The following CCDC171 variants were observed in gnomAD, a reference collection of about 807,000 sequenced individuals.
The protein encoded by CCDC171 is coiled-coil domain-containing protein 171.
CCDC171 carries 177 observed loss-of-function variants against 168.2 expected under a neutral mutation model. The observed-to-expected ratio is 1.05, with a 90% CI of 0.93 to 1.19. The LOEUF is 1.19. Ranked by LOEUF, CCDC171 falls within the 50% of genes most tolerant of loss-of-function variation. The pLI is 0.00. For missense variants in CCDC171, 1,991 were observed against 1,539.0 expected (o/e 1.29, Z -4.91); for synonymous variants, 687 against 540.8 (o/e 1.27, Z -3.75).
chr9:15,946,229 C>T (rs991278865), intron 25 of CCDC171, among the ~76,000 whole-genome samples: 3 of 151,892 alleles, frequency 2.0e-5, no homozygotes, highest in Non-Finnish European at 2.9e-5. Context: ...TGTTCTGTTC[C>T]ATTGATCTAT....
At chr9:15,993,365 T>C (rs1258796762) in intron 3 of CCDC171, among the ~76,000 whole-genome samples, 1 of 152,118 alleles carries the variant, frequency 6.6e-6, no homozygotes, top group African/African-American at 2.4e-5. Flanking sequence ...TATTAATAAA[T>C]GGTGCTGGGA....
chr9:15,671,931 G>C (rs2049145602), intron 9 of CCDC171, among the ~76,000 whole-genome samples: 1 of 152,178 alleles, frequency 6.6e-6, no homozygotes, highest in African/African-American at 2.4e-5. Flanking sequence ...TTGCCACACT[G>C]TCTTCCACAA....
chr9:16,016,674 G>A (rs1431520590), intron 3 of CCDC171, among the ~76,000 whole-genome samples: 1 of 152,118 alleles, frequency 6.6e-6, no homozygotes, highest in African/African-American at 2.4e-5. Context: ...GGTGTCTGTT[G>A]GATTTCCCTA....
the CCDC171 span, among the ~76,000 whole-genome samples, chr9:16,108,774 A>G: frequency 6.6e-6 from 1 of 152,230 alleles, no homozygotes; most frequent in East Asian, 1.9e-4. Flanking sequence ...TTACAATTAA[A>G]AAGTAAGAAT....
chr9:15,636,861 A>G (rs1002916393), intron 7 of CCDC171, among the ~76,000 whole-genome samples: 2 of 152,154 alleles, frequency 1.3e-5, no homozygotes, highest in Non-Finnish European at 2.9e-5. Context: ...TATCATCACT[A>G]AAAACATTTT....
At chr9:15,857,741 A>G (rs1456129864) in intron 23 of CCDC171, among the ~76,000 whole-genome samples, 1 of 151,608 alleles carries the variant, frequency 6.6e-6, no homozygotes, top group Non-Finnish European at 1.5e-5. Flanking sequence ...ATTCTTTAGC[A>G]AGTGATATCT....
At chr9:16,000,891 A>T (rs548084341) in intron 3 of CCDC171, among the ~76,000 whole-genome samples, 3 of 152,276 alleles carry the variant, frequency 2.0e-5, no homozygotes, top group Admixed American at 2.0e-4. Context: ...TGGATCTCGC[A>T]GAGTTACAGC....
intron 10 of CCDC171, among the ~76,000 whole-genome samples, chr9:15,682,334 G>A (rs1219150098): frequency 6.6e-6 from 1 of 151,976 alleles, no homozygotes; most frequent in Non-Finnish European, 1.5e-5. Flanking sequence ...GAAAGTGATA[G>A]CTCCCCTGTT....
Position 15,874,543 on chromosome 9 carries a change from G to A in CCDC171, c.3480G>A (p.Gln1160=), listed in dbSNP as rs1165855939. ...TTTTTTCCCTTTAGGTCAGAGATCA[G>A]ATCTCGCTGTCATGGTCTGCGGCAA... ...VENTLHKVRD[Q]ISLSWSAASR... The change falls in exon 24 of 26, where the codon CAG becomes CAA. Residue 1160 remains glutamine (Q), a synonymous_variant. Transcript: ENST00000380701. 1.2e-6 allele frequency: 2 copies of A among 1,602,588 alleles called. No individual in the cohort carries two copies. Among genetic ancestry groups the A allele is most frequent in the African/African-American group, 1.3e-5 (1 of 74,190 alleles).
At chr9:16,099,710 G>A in the CCDC171 span, among the ~76,000 whole-genome samples, 1 of 152,168 alleles carries the variant, frequency 6.6e-6, no homozygotes, top group Non-Finnish European at 1.5e-5. Flanking sequence ...AGTCTGCACT[G>A]ATTTGGCAAT....
chr9:15,742,106 T>C (rs1588236994), intron 16 of CCDC171, among the ~76,000 whole-genome samples: 2 of 152,206 alleles, frequency 1.3e-5, no homozygotes, highest in Non-Finnish European at 1.5e-5. Flanking sequence ...ACAGATGAAA[T>C]TGATTTTGAA....
chr9:15,790,379 C>T (rs944203976), intron 21 of CCDC171, among the ~76,000 whole-genome samples: 1 of 152,186 alleles, frequency 6.6e-6, no homozygotes. Flanking sequence ...TGTCTGTTGG[C>T]TGCATAAATG....
At chr9:15,792,889 TCG>T (rs1465496795) in intron 21 of CCDC171, among the ~76,000 whole-genome samples, 2 of 151,964 alleles carry the variant, frequency 1.3e-5, no homozygotes, top group African/African-American at 4.8e-5. Context: ...GTAAAGACCA[TCG>T]AGGCTAGGAA....
chr9:15,729,730 C>A lies in CCDC171; in HGVS notation c.1981C>A (p.His661Asn), dbSNP rs749131852. 6.2e-7 allele frequency: 1 copy of A among 1,613,360 alleles called. No individual in the cohort carries two copies. Among genetic ancestry groups the A allele is most frequent in the East Asian group, 2.2e-5 (1 of 44,860 alleles). The change falls in exon 16 of 26, where the codon CAC becomes AAC. Residue 661 changes from histidine to asparagine, a missense_variant. By Grantham distance (68) the His-to-Asn change is moderately conservative (BLOSUM62 1). Transcript: ENST00000380701. ...EQIKAQESCW[H>N]RQKKELELQY... The stretch of plus-strand genomic sequence containing the variant: ...GATCAAAGCCCAAGAGAGCTGCTGG[C>A]ACAGACAAAAGAAGGAACTAGAGCT...
At chr9:16,068,585 G>A in the CCDC171 span, among the ~76,000 whole-genome samples, 17 of 152,268 alleles carry the variant, frequency 1.1e-4, no homozygotes, top group Non-Finnish European at 2.2e-4. Context: ...TAACTTTTCC[G>A]CTGTTGTTTC....
chr9:15,949,752 C>T (rs1285989754), intron 25 of CCDC171, among the ~76,000 whole-genome samples: 1 of 152,132 alleles, frequency 6.6e-6, no homozygotes, highest in African/African-American at 2.4e-5. Context: ...CGTCTGCAAA[C>T]AGGGACAATT....
At position 15,610,444 on chromosome 9, in the gene CCDC171, T is replaced by TAAAAAAAAA. The variant is rs754593075; in HGVS notation, c.676-12794_676-12786dup. 1.2e-3 allele frequency among the ~76,000 whole-genome samples: 15 copies of TAAAAAAAAA among 12,724 alleles called. 5 individuals are homozygous for TAAAAAAAAA. The highest frequency in any genetic ancestry group is 1.4e-3 in the Admixed American group (1 of 704). 8.3% of individuals were successfully genotyped at this position (12,724 alleles called of 152,430 possible). A position where few individuals can be genotyped will look rare whatever the true frequency, so the allele number is the denominator to read the frequency against. On this transcript the variant is annotated intron_variant, in intron 6 of 25. Coordinates refer to ENST00000380701, the MANE Select transcript of CCDC171 (RefSeq NM_173550.4). Reference sequence around the variant, plus strand: ...CAACATGGTGAAACCCCATCTCAACTAAAAAAAAAAAAAAAAAAAAAAAAA... The same window carrying TAAAAAAAAA: ...CAACATGGTGAAACCCCATCTCAACTAAAAAAAAAAAAAAAAAAAAAAAAAAAAAAAAAA...
intron 1 of CCDC171, among the ~76,000 whole-genome samples, chr9:15,561,347 A>G (rs1215108267): frequency 2.6e-5 from 4 of 152,212 alleles, no homozygotes; most frequent in African/African-American, 7.2e-5. Flanking sequence ...GAATGTTTTC[A>G]AATGGAAAGT....
chr9:15,919,676 A>G (rs918403059), intron 24 of CCDC171, among the ~76,000 whole-genome samples: 8 of 151,634 alleles, frequency 5.3e-5, no homozygotes, highest in Non-Finnish European at 1.0e-4. Flanking sequence ...AGGAGATAAT[A>G]GGTTACCAGA....
Sources: allele counts gnomAD v4.1 joint callset (sites outside exome capture counted in the v4.1 genomes callset), GRCh38; gene constraint gnomAD v4.1.1; transcripts MANE v1.5; gene names NCBI Gene and HGNC (gene_info 2026-07-23, HGNC 2026-07-21).